Variants in EVC2 observed in about 807,000 individuals in gnomAD.
The protein encoded by EVC2 is EvC ciliary complex subunit 2, also known as limbin.
Under a neutral mutation model 149.3 loss-of-function variants are expected in EVC2, and 148 were observed. The ratio of observed to expected loss-of-function variants is 0.99; its 90% CI spans 0.87 to 1.14. The LOEUF (loss-of-function observed/expected upper bound fraction) is 1.14, where lower values mean the gene tolerates loss of function less well. Among genes scored for constraint, EVC2 ranks in the 50% most tolerant of loss-of-function variants. The probability of loss-of-function intolerance (pLI) is 0.00; values close to 1 mark genes in which losing one functional copy is unlikely to be tolerated. For synonymous variants in EVC2, 776 were observed against 649.9 expected (o/e 1.19, Z -2.95); for missense variants, 1,854 against 1,627.3 (o/e 1.14, Z -2.40).
At chr4:5,683,917 C>T (rs189125843) in intron 6 of EVC2, among the ~76,000 whole-genome samples, 2 of 150,722 alleles carry the variant, frequency 1.3e-5, no homozygotes, top group East Asian at 1.9e-4. Context: ...CACAGCTGCC[C>T]GGGAACACAC....
chr4:5,553,930 G>A (rs1021868460), intron 21 of EVC2, among the ~76,000 whole-genome samples: 3 of 152,172 alleles, frequency 2.0e-5, no homozygotes, highest in South Asian at 2.1e-4. Flanking sequence ...CATAACAAAA[G>A]TTCATCAACA....
rs4017712 is a variant in EVC2 at position 5,550,557 on chromosome 4, G to A, written c.3420-7345C>T. On this transcript the variant is annotated intron_variant and NMD_transcript_variant, in intron 21 of 22. Transcript: ENST00000475313. ...TGTTAAAGGCATTCAGTTTTAAAGG[G>A]GAAACAGAGCATAAAAGTTTGGAAA... Among the ~76,000 whole-genome samples the A allele has an allele frequency of 0.047, 7,113 of 152,204 alleles. 920 individuals are homozygous for A. The East Asian group carries it at 0.53, about 11-fold the overall frequency.
At chr4:5,544,743 C>A (rs1721581052) in intron 21 of EVC2, among the ~76,000 whole-genome samples, 1 of 152,164 alleles carries the variant, frequency 6.6e-6, no homozygotes, top group African/African-American at 2.4e-5. Context: ...GTTACCAATA[C>A]TGTGGGGAAA....
downstream of EVC2, among the ~76,000 whole-genome samples, chr4:5,558,364 G>A (rs1328320261): frequency 6.6e-6 from 1 of 152,180 alleles, no homozygotes; most frequent in Non-Finnish European, 1.5e-5. Context: ...GGGTCCAGGT[G>A]GAGGAGGTAA....
Position 5,633,314 on chromosome 4 carries a change from C to A in EVC2, c.1471-1282G>T, listed in dbSNP as rs1716685419. Among the ~76,000 whole-genome samples the A allele has an allele frequency of 6.6e-6, 1 of 152,218 alleles. No homozygotes were observed. Among genetic ancestry groups the A allele is most frequent in the Admixed American group, 6.5e-5 (1 of 15,286 alleles). ...GACCCTGATTGCCAGCCTGCAACAT[C>A]CTGAGCATAGGTCACAGTGAAGCTG... is the stretch of plus-strand genomic sequence containing the variant. On this transcript the variant is annotated intron_variant, in intron 10 of 21. Coordinates refer to ENST00000344408, the MANE Select transcript of EVC2 (RefSeq NM_147127.5). This position sits in a 1 kb window ranked among gnomAD's most constrained non-coding sequence, Gnocchi z 4.4.
In EVC2 at chr4:5,630,264, C is replaced by T. The variant is rs112648919; in HGVS notation, c.1710+1529G>A. On this transcript the variant is annotated intron_variant, in intron 11 of 21. Transcript: ENST00000344408. ...TGGCCCTGATGTCTCAGCCCTCATGCGCTCGGCCTGGTACTAGCTGCAGGT... is the reference window on the plus strand; with the variant it reads ...TGGCCCTGATGTCTCAGCCCTCATGTGCTCGGCCTGGTACTAGCTGCAGGT... Among the ~76,000 whole-genome samples, 703 of 152,258 alleles carry T rather than the reference C, an allele frequency of 4.6e-3. 1 individual carries two copies. The highest frequency in any genetic ancestry group is 0.014 in the African/African-American group (585 of 41,542).
the EVC2 span, among the ~76,000 whole-genome samples, chr4:5,535,436 G>C: frequency 6.6e-6 from 1 of 152,092 alleles, no homozygotes; most frequent in Non-Finnish European, 1.5e-5. The surrounding 1 kb of genome is among the most constrained non-coding windows in gnomAD (Gnocchi z 4.7). Context: ...TGAGTTACAG[G>C]CTTCTGCTTT....
At chr4:5,607,499 G>C (rs1577149889) in intron 16 of EVC2, among the ~76,000 whole-genome samples, 1 of 152,130 alleles carries the variant, frequency 6.6e-6, no homozygotes, top group Admixed American at 6.5e-5. Context: ...CCAGACATCT[G>C]TAGCTGACTT....
chr4:5,632,164 G>T (rs1716592286), intron 10 of EVC2, 132 bp from the exon 11 acceptor site: 4 of 1,234,416 alleles, frequency 3.2e-6, no homozygotes, highest in Non-Finnish European at 4.5e-6. Flanking sequence ...ATGCACATAT[G>T]CATTACAATA....
At chr4:5,651,432 C>G (rs78984860) in intron 9 of EVC2, among the ~76,000 whole-genome samples, 9,902 of 150,760 alleles carry the variant, frequency 0.066, 1,055 homozygotes, top group African/African-American at 0.22. Flanking sequence ...TGATGGATGG[C>G]GGAATGAGTA....
At chr4:5,603,909 A>G (rs958125713) in intron 16 of EVC2, among the ~76,000 whole-genome samples, 1 of 152,250 alleles carries the variant, frequency 6.6e-6, no homozygotes, top group East Asian at 1.9e-4. Context: ...AATCACACCA[A>G]AGAGGAACTG....
intron 9 of EVC2, among the ~76,000 whole-genome samples, chr4:5,656,710 T>C (rs901985298): frequency 1.3e-5 from 2 of 152,126 alleles, no homozygotes; most frequent in African/African-American, 4.8e-5. Context: ...CCCAGAGCCT[T>C]TGAAGGGAGC....
At chr4:5,692,751 C>T (rs892147554) in intron 3 of EVC2, among the ~76,000 whole-genome samples, 6 of 150,716 alleles carry the variant, frequency 4.0e-5, no homozygotes, top group Admixed American at 3.3e-4. Flanking sequence ...CCTGTAGTCC[C>T]AGCTACTCGG....
intron 2 of EVC2, among the ~76,000 whole-genome samples, chr4:5,695,526 G>A (rs770722667): frequency 5.3e-5 from 8 of 151,372 alleles, no homozygotes; most frequent in Non-Finnish European, 1.0e-4. Flanking sequence ...CTGATCAACT[G>A]TGGGACCTTG....
At chr4:5,602,291 T>TAAAA (rs571933194) in intron 16 of EVC2, among the ~76,000 whole-genome samples, 7 of 81,694 alleles carry the variant, frequency 8.6e-5, no homozygotes, top group African/African-American at 2.0e-4. Flanking sequence ...CATTGCCTCT[T>TAAAA]AAAAAAAAAA....
intron 21 of EVC2, among the ~76,000 whole-genome samples, chr4:5,554,036 A>T (rs1471152790): frequency 6.6e-6 from 1 of 152,232 alleles, no homozygotes; most frequent in African/African-American, 2.4e-5. Flanking sequence ...TGGAGGAAAA[A>T]ATAGGAACAT....
At chr4:5,562,324 G>T (rs749454482), downstream of EVC2, 3 of 501,648 alleles carry the variant, frequency 6.0e-6, no homozygotes, top group Non-Finnish European at 7.8e-6. The surrounding 1 kb of genome is among the most constrained non-coding windows in gnomAD (Gnocchi z 4.3). Flanking sequence ...TTTGGCAACT[G>T]GAGCGATAGA....
At chr4:5,539,561 A>G (rs1721475596), downstream of EVC2, among the ~76,000 whole-genome samples, 1 of 152,242 alleles carries the variant, frequency 6.6e-6, no homozygotes, top group Non-Finnish European at 1.5e-5. Flanking sequence ...GTAATCAGGA[A>G]ATGGTGCTAT....
At chr4:5,602,131 A>C (rs1430621530) in intron 16 of EVC2, among the ~76,000 whole-genome samples, 1 of 151,888 alleles carries the variant, frequency 6.6e-6, no homozygotes, top group Non-Finnish European at 1.5e-5. Flanking sequence ...TTAAAATAAA[A>C]AATTTTAAAA....
Sources: allele counts gnomAD v4.1 joint callset (sites outside exome capture counted in the v4.1 genomes callset), GRCh38; gene constraint gnomAD v4.1.1; non-coding constraint Gnocchi (gnomAD v3.1); transcripts MANE v1.5; gene names NCBI Gene and HGNC (gene_info 2026-07-23, HGNC 2026-07-21).